Variants in RAB21 observed in about 807,000 individuals in gnomAD.
The protein encoded by RAB21 is ras-related protein Rab-21.
RAB21 carries 13 observed loss-of-function variants against 33.1 expected under a neutral mutation model. The ratio of observed to expected loss-of-function variants is 0.39; its 90% CI spans 0.26 to 0.62. The LOEUF (loss-of-function observed/expected upper bound fraction) is 0.62. Ranked by LOEUF, RAB21 falls within the 20% of genes least tolerant of loss-of-function variation. The pLI is 0.48. For synonymous variants in RAB21, 91 were observed against 103.7 expected, an observed-to-expected ratio of 0.88 and a Z score of 0.74; for missense variants, 234 against 279.1, an observed-to-expected ratio of 0.84 and a Z score of 1.15.
chr12:71,758,466 G>A (rs1882821883), intron 1 of RAB21, among the ~76,000 whole-genome samples: 1 of 151,830 alleles, frequency 6.6e-6, no homozygotes, highest in African/African-American at 2.4e-5. Flanking sequence ...CCCTTAACTG[G>A]ATCTCCAGTG....
intron 4 of RAB21, among the ~76,000 whole-genome samples, chr12:71,779,349 G>A (rs1324049175): frequency 1.3e-5 from 2 of 152,138 alleles, no homozygotes; most frequent in Admixed American, 6.5e-5. Context: ...AGTCCCACTC[G>A]GGGCTGAGGC....
chr12:71,778,383 T>A (rs1883151253), intron 4 of RAB21, among the ~76,000 whole-genome samples: 1 of 152,152 alleles, frequency 6.6e-6, no homozygotes, highest in Non-Finnish European at 1.5e-5. Flanking sequence ...TAAGTACACA[T>A]TTTTTACTTC....
At position 71,789,689 on chromosome 12, in the gene RAB21, A is replaced by G. The variant is rs985324888; in HGVS notation, c.*4016A>G. 1.3e-5 allele frequency: 2 copies of G among 152,168 alleles called. No individual in the cohort carries two copies. The highest frequency in any genetic ancestry group is 6.5e-5 in the Admixed American group (1 of 15,268). 9.4% of individuals were successfully genotyped at this position (152,168 alleles called of 1,614,324 possible). ...TATAAAATGCATTACCTAGGCTTTA[A>G]TAGTTAAAAGCTGGAATTTATTGAA... On this transcript the variant is annotated 3_prime_UTR_variant, in exon 7 of 7. Coordinates refer to ENST00000261263, the MANE Select transcript of RAB21 (RefSeq NM_014999.4).
intron 1 of RAB21, among the ~76,000 whole-genome samples, chr12:71,764,826 A>G (rs117022972): frequency 1.1e-4 from 17 of 152,316 alleles, no homozygotes; most frequent in Non-Finnish European, 2.4e-4. Flanking sequence ...TATGGCGTAT[A>G]TATACCGCAT....
chr12:71,771,183 C>T (rs2137648130), intron 3 of RAB21, among the ~76,000 whole-genome samples: 2 of 152,280 alleles, frequency 1.3e-5, no homozygotes, highest in South Asian at 4.1e-4. Flanking sequence ...TTTAAAAGGA[C>T]AGTCTTAAAG....
intron 1 of RAB21, among the ~76,000 whole-genome samples, chr12:71,760,891 G>C (rs1882862957): frequency 6.6e-6 from 1 of 152,110 alleles, no homozygotes; most frequent in South Asian, 2.1e-4. Context: ...TATCCTAACA[G>C]TTTGGCAAAT....
rs899421102 is a variant in RAB21 at position 71,754,985 on chromosome 12, C to T, written c.-145C>T. ...GGACTTTCCCTCAGCCCTTCCAGGC[C>T]TCGCCCGAGGAGGGCGTGGGGACAG... On this transcript the variant is annotated 5_prime_UTR_variant, in exon 1 of 7. Transcript: ENST00000261263. 3.8e-6 allele frequency: 3 copies of T among 782,410 alleles called. No individual in the cohort carries two copies. The highest frequency in any genetic ancestry group is 6.0e-5 in the Admixed American group (1 of 16,588). 48.5% of individuals were successfully genotyped at this position (782,410 alleles called of 1,614,324 possible).
At position 71,782,558 on chromosome 12, in the gene RAB21, CT is replaced by C. The variant is rs756886271; in HGVS notation, c.447-4del. 86 of 1,542,124 alleles carry C rather than the reference CT, an allele frequency of 5.6e-5. No individual in the cohort carries two copies. Among genetic ancestry groups the C allele is most frequent in the South Asian group, 1.4e-4 (12 of 83,794 alleles). ...TATTTTACATCAATCACCGATGTTA[CT>C]TTTTTTTAAGGTATGCAGAATCTGT... On this transcript the variant is annotated splice_polypyrimidine_tract_variant and intron_variant, in intron 5 of 6. Coordinates refer to ENST00000261263, the MANE Select transcript of RAB21 (RefSeq NM_014999.4).
At chr12:71,777,292 CATATA>C (rs1178842092) in intron 4 of RAB21, among the ~76,000 whole-genome samples, 1 of 152,140 alleles carries the variant, frequency 6.6e-6, no homozygotes, top group South Asian at 2.1e-4. Flanking sequence ...TAAATGGAAT[CATATA>C]ATATTAACTC....
intron 1 of RAB21, among the ~76,000 whole-genome samples, chr12:71,762,437 C>A (rs1331790894): frequency 2.4e-4 from 36 of 152,066 alleles, no homozygotes; most frequent in Admixed American, 2.4e-3. Context: ...TCCCGAGTAG[C>A]TGGGACTACA....
In RAB21 at chr12:71,755,283, C is replaced by T. The variant is rs754523738; in HGVS notation, c.154C>T (p.Leu52=). 2.2e-5 allele frequency: 34 copies of T among 1,523,236 alleles called. No homozygotes were observed. The highest frequency in any genetic ancestry group is 2.8e-5 in the Non-Finnish European group (32 of 1,139,418). 94.4% of individuals were successfully genotyped at this position (1,523,236 alleles called of 1,614,324 possible). A position where few individuals can be genotyped will look rare whatever the true frequency, so the allele number is the denominator to read the frequency against. ...NKFNDKHITT[L]QASFLTKKLN... ...GTTTAACGACAAGCACATCACCACT[C>T]TGCAGGTGCGGACCTCGGGGAGCGG... Residue 52 remains leucine, a synonymous_variant, in exon 1 of 7, where the codon CTG becomes TTG. Coordinates refer to ENST00000261263, the MANE Select transcript of RAB21 (RefSeq NM_014999.4).
chr12:71,776,290 T>G (rs1048355534), intron 4 of RAB21, among the ~76,000 whole-genome samples: 1 of 152,160 alleles, frequency 6.6e-6, no homozygotes, highest in Non-Finnish European at 1.5e-5. Flanking sequence ...ATGAATAGTT[T>G]AAAGTGTGTT....
At chr12:71,780,217 C>A (rs1242248113) in intron 4 of RAB21, among the ~76,000 whole-genome samples, 3 of 152,136 alleles carry the variant, frequency 2.0e-5, no homozygotes, top group Admixed American at 6.6e-5. Context: ...TTCCTCTCTT[C>A]ACTCTTTTTA....
At chr12:71,758,810 A>G (rs377244658) in intron 1 of RAB21, among the ~76,000 whole-genome samples, 75 of 152,280 alleles carry the variant, frequency 4.9e-4, no homozygotes, top group African/African-American at 1.7e-3. Flanking sequence ...TCTAGGCACT[A>G]TGTAATCATT....
chr12:71,756,833 C>T (rs1321655892), intron 1 of RAB21, among the ~76,000 whole-genome samples: 1 of 152,144 alleles, frequency 6.6e-6, no homozygotes, highest in Non-Finnish European at 1.5e-5. Context: ...TGCTTGCTTT[C>T]TGTCTGCTTG....
At chr12:71,755,396 C>T in intron 1 of RAB21, 108 bp downstream of exon 1, 3 of 1,256,398 alleles carry the variant, frequency 2.4e-6, no homozygotes, top group Non-Finnish European at 2.1e-6. Context: ...AAATCTCAGG[C>T]CTGTCATCTC....
chr12:71,761,948 A>C (rs1882878351), intron 1 of RAB21, among the ~76,000 whole-genome samples: 1 of 152,166 alleles, frequency 6.6e-6, no homozygotes, highest in African/African-American at 2.4e-5. Flanking sequence ...GTATTTTGTA[A>C]GTATCCTTGA....
chr12:71,756,632 T>A (rs1183423482), intron 1 of RAB21, among the ~76,000 whole-genome samples: 1 of 152,238 alleles, frequency 6.6e-6, no homozygotes, highest in Non-Finnish European at 1.5e-5. Flanking sequence ...TAAAAAATCC[T>A]TGTACCAGAA....
rs1399098729 is a variant in RAB21, at chr12:71,790,387, G to A, written c.*4714G>A. The A allele has an allele frequency of 2.0e-5, 3 of 152,120 alleles. No homozygotes were observed. The highest frequency in any genetic ancestry group is 4.4e-5 in the Non-Finnish European group (3 of 68,010). 9.4% of individuals were successfully genotyped at this position (152,120 alleles called of 1,614,324 possible). A position where few individuals can be genotyped will look rare whatever the true frequency, so the allele number is the denominator to read the frequency against. On this transcript the variant is annotated 3_prime_UTR_variant, in exon 7 of 7. Coordinates refer to ENST00000261263, the MANE Select transcript of RAB21 (RefSeq NM_014999.4). ...GTGATTTCTTTACATTTGAACATGT[G>A]TAGATCAATGAGAGAATGGTGAGGG...
Sources: gnomAD v4.1 joint callset for allele counts (sites outside exome capture counted in the v4.1 genomes callset) on GRCh38, gnomAD v4.1.1 for gene constraint, MANE v1.5 for transcripts, NCBI Gene and HGNC (gene_info 2026-07-23, HGNC 2026-07-21) for gene names.